Variants in CPQ observed in about 807,000 individuals in gnomAD.
CPQ encodes Ser-Met dipeptidase.
A neutral mutation model predicts 45.7 loss-of-function variants in CPQ; 37 were observed. The observed-to-expected ratio is 0.81, with a 90% CI of 0.62 to 1.07. The LOEUF (loss-of-function observed/expected upper bound fraction) is 1.07. CPQ is among the 50% of genes least tolerant of loss of function. The pLI is 0.00. For synonymous variants in CPQ, 186 were observed against 205.8 expected (o/e 0.90, Z 0.82); for missense variants, 537 against 572.9 (o/e 0.94, Z 0.64).
chr8:96,996,303 G>C (rs1800488518), intron 5 of CPQ, among the ~76,000 whole-genome samples: 1 of 151,952 alleles, frequency 6.6e-6, no homozygotes, highest in Non-Finnish European at 1.5e-5. Context: ...GTGAAGGAAA[G>C]GAAAGGGTCA....
intron 4 of CPQ, among the ~76,000 whole-genome samples, chr8:96,953,085 T>G (rs1479163246): frequency 6.6e-6 from 1 of 152,120 alleles, no homozygotes; most frequent in Non-Finnish European, 1.5e-5. Flanking sequence ...TAAATTTTTG[T>G]TTTGGTTCCA....
At chr8:96,794,471 C>T (rs1198520584) in intron 2 of CPQ, among the ~76,000 whole-genome samples, 1 of 152,190 alleles carries the variant, frequency 6.6e-6, no homozygotes, top group Non-Finnish European at 1.5e-5. Context: ...ACTTTTTCCT[C>T]CTAGGCCTTC....
intron 1 of CPQ, among the ~76,000 whole-genome samples, chr8:96,691,440 T>C (rs1305068505): frequency 6.6e-6 from 1 of 152,172 alleles, no homozygotes; most frequent in African/African-American, 2.4e-5. Context: ...TACTAGGGGT[T>C]AGGACATGGA....
chr8:96,652,850 T>A (rs1218448314), intron 1 of CPQ, among the ~76,000 whole-genome samples: 1 of 152,158 alleles, frequency 6.6e-6, no homozygotes, highest in Non-Finnish European at 1.5e-5. Flanking sequence ...TAGCCAGGAT[T>A]GTCTCGATCT....
rs113825759 is a variant in CPQ, at chr8:97,053,118, C to T, written c.1054-12891C>T. Among the ~76,000 whole-genome samples the T allele has an allele frequency of 5.6e-4, 86 of 152,216 alleles. 1 individual carries two copies. In the East Asian group the frequency reaches 0.015, roughly 27 times the overall value. Reference sequence around the variant, plus strand: ...CCAAAATGGCATCTAGTTACATGCTCGCATGGGTTCACATATACAAATATA... The same window carrying T: ...CCAAAATGGCATCTAGTTACATGCTTGCATGGGTTCACATATACAAATATA... On this transcript the variant is annotated intron_variant, in intron 6 of 7. Transcript: ENST00000220763.
At chr8:96,741,787 G>C (rs1203870069) in intron 1 of CPQ, among the ~76,000 whole-genome samples, 5 of 151,418 alleles carry the variant, frequency 3.3e-5, no homozygotes, top group Non-Finnish European at 7.4e-5. Context: ...GAGCGGTTTT[G>C]AGTGAGATTC....
chr8:96,795,864 AAC>A (rs1324068673), intron 2 of CPQ, among the ~76,000 whole-genome samples: 3 of 152,246 alleles, frequency 2.0e-5, no homozygotes. Context: ...GGAGAGTAGA[AAC>A]AATTAGTTTT....
At chr8:96,898,638 A>C (rs1191129122) in intron 4 of CPQ, among the ~76,000 whole-genome samples, 3 of 47,728 alleles carry the variant, frequency 6.3e-5, no homozygotes, top group African/African-American at 2.6e-4. Flanking sequence ...GGGTCGGGGG[A>C]GGGGGGAGGG....
At chr8:97,092,183 A>C (rs1811137922) in intron 7 of CPQ, among the ~76,000 whole-genome samples, 1 of 152,190 alleles carries the variant, frequency 6.6e-6, no homozygotes, top group Non-Finnish European at 1.5e-5. Context: ...TGAAAACTCC[A>C]GTAGAAAACT....
At chr8:97,050,183 G>A (rs1810335849) in intron 6 of CPQ, among the ~76,000 whole-genome samples, 1 of 152,044 alleles carries the variant, frequency 6.6e-6, no homozygotes, top group Admixed American at 6.6e-5. Flanking sequence ...TCATTGTTTT[G>A]CCTCACACAT....
intron 5 of CPQ, among the ~76,000 whole-genome samples, chr8:97,017,053 G>A (rs191368093): frequency 3.9e-4 from 59 of 152,242 alleles, no homozygotes; most frequent in African/African-American, 1.2e-3. Context: ...GCAGGACCTG[G>A]GAGACACCCC....
intron 1 of CPQ, among the ~76,000 whole-genome samples, chr8:96,726,765 G>A (rs1203461391): frequency 6.6e-6 from 1 of 152,080 alleles, no homozygotes; most frequent in Non-Finnish European, 1.5e-5. Context: ...ATCATCATGG[G>A]AGTGGGACTG....
intron 1 of CPQ, among the ~76,000 whole-genome samples, chr8:96,762,648 T>C (rs2130792894): frequency 6.6e-6 from 1 of 152,282 alleles, no homozygotes; most frequent in South Asian, 2.1e-4. Flanking sequence ...GCTCTGCTTA[T>C]GTCTGTTTTA....
At chr8:96,975,941 C>T (rs10098592) in intron 5 of CPQ, among the ~76,000 whole-genome samples, 49,064 of 151,746 alleles carry the variant, frequency 0.32, 8,041 homozygotes, top group South Asian at 0.4. Flanking sequence ...GACAAGGATT[C>T]CCATTTTCAC....
At chr8:96,815,248 G>A (rs564270946) in intron 2 of CPQ, among the ~76,000 whole-genome samples, 1 of 152,150 alleles carries the variant, frequency 6.6e-6, no homozygotes, top group African/African-American at 2.4e-5. Context: ...TCAAAAAATT[G>A]TGAATTAGGG....
chr8:97,033,679 A>G (rs138361680), intron 6 of CPQ, among the ~76,000 whole-genome samples: 13 of 152,182 alleles, frequency 8.5e-5, no homozygotes, highest in African/African-American at 2.9e-4. Context: ...AGTTGGCTAA[A>G]CCTACATGGC....
At chr8:96,651,831 A>G (rs1480481476) in intron 1 of CPQ, among the ~76,000 whole-genome samples, 1 of 152,042 alleles carries the variant, frequency 6.6e-6, no homozygotes, top group Non-Finnish European at 1.5e-5. Context: ...TTTTTATTTT[A>G]CTGTAAATTG....
At chr8:97,061,760 T>C (rs898996789) in intron 6 of CPQ, among the ~76,000 whole-genome samples, 1 of 152,156 alleles carries the variant, frequency 6.6e-6, no homozygotes, top group African/African-American at 2.4e-5. Flanking sequence ...CTTGAAAATC[T>C]GAGAAGTGTT....
At chr8:96,832,763 G>A (rs993043984) in intron 2 of CPQ, among the ~76,000 whole-genome samples, 1 of 152,154 alleles carries the variant, frequency 6.6e-6, no homozygotes, top group African/African-American at 2.4e-5. Flanking sequence ...GTCTATACAG[G>A]GAAAAGTGTC....
Sources: gnomAD v4.1 joint callset for allele counts (sites outside exome capture counted in the v4.1 genomes callset) on GRCh38, gnomAD v4.1.1 for gene constraint, MANE v1.5 for transcripts, NCBI Gene and HGNC (gene_info 2026-07-23, HGNC 2026-07-21) for gene names.